Variants in CWC22 observed in about 807,000 individuals in gnomAD.
CWC22 encodes the protein CWC22 spliceosome associated protein.
In CWC22, 53 loss-of-function variants were observed where a neutral mutation model predicts 117.2. The ratio of observed to expected loss-of-function variants is 0.45; its 90% confidence interval spans 0.36 to 0.57. CWC22 has a LOEUF of 0.57. Among genes scored for constraint, CWC22 ranks in the 20% least tolerant of loss-of-function variants. The probability of loss-of-function intolerance (pLI) is 0.00; values close to 1 mark genes in which losing one functional copy is unlikely to be tolerated. For missense variants in CWC22, 980 were observed against 1,068.8 expected (o/e 0.92, Z 1.16); for synonymous variants, 360 against 355.6 (o/e 1.01, Z -0.14).
At chr2:179,953,688 A>G (rs1441331000) in intron 16 of CWC22, among the ~76,000 whole-genome samples, 1 of 152,116 alleles carries the variant, frequency 6.6e-6, no homozygotes, top group Non-Finnish European at 1.5e-5. Context: ...TATCAAGAAT[A>G]TATCTTTCTT....
intron 14 of CWC22, among the ~76,000 whole-genome samples, chr2:179,956,259 T>A (rs1686588405): frequency 6.6e-6 from 1 of 151,868 alleles, no homozygotes; most frequent in Non-Finnish European, 1.5e-5. Flanking sequence ...GAACAGATAC[T>A]CTAGAATTAT....
intron 2 of CWC22, among the ~76,000 whole-genome samples, chr2:179,991,369 TGA>T (rs1285276334): frequency 6.6e-6 from 1 of 152,116 alleles, no homozygotes; most frequent in African/African-American, 2.4e-5. Flanking sequence ...AGGGAAGAGC[TGA>T]GTTTCACCTA....
At chr2:180,001,847 T>C (rs1159256223) in intron 1 of CWC22, among the ~76,000 whole-genome samples, 1 of 152,240 alleles carries the variant, frequency 6.6e-6, no homozygotes, top group African/African-American at 2.4e-5. Flanking sequence ...CCTTCATTTG[T>C]CCATCCCTTT....
intron 4 of CWC22, among the ~76,000 whole-genome samples, chr2:179,985,762 T>C (rs563761452): frequency 6.6e-6 from 1 of 152,214 alleles, no homozygotes; most frequent in African/African-American, 2.4e-5. Context: ...AATCTTTTAC[T>C]ATGCCTAATT....
At chr2:179,953,905 G>A (rs759688254) in intron 16 of CWC22, among the ~76,000 whole-genome samples, 2 of 152,084 alleles carry the variant, frequency 1.3e-5, no homozygotes, top group Non-Finnish European at 2.9e-5. Context: ...GTGCATGCAC[G>A]TGTGTGTACA....
intron 11 of CWC22, among the ~76,000 whole-genome samples, chr2:179,967,366 A>G (rs1686918091): frequency 6.6e-6 from 1 of 152,234 alleles, no homozygotes; most frequent in Admixed American, 6.5e-5. Context: ...ATTGGATTTC[A>G]TTAACTGAAT....
At chr2:179,948,912 C>G (rs1043240026) in intron 19 of CWC22, among the ~76,000 whole-genome samples, 1 of 152,146 alleles carries the variant, frequency 6.6e-6, no homozygotes, top group African/African-American at 2.4e-5. Context: ...TGCTAATTTC[C>G]TAGTTTGATA....
intron 12 of CWC22, among the ~76,000 whole-genome samples, chr2:179,965,344 A>T (rs1206210014): frequency 2.0e-5 from 3 of 152,210 alleles, no homozygotes; most frequent in Non-Finnish European, 4.4e-5. Flanking sequence ...GTATTTATTA[A>T]CTGTGCCTTA....
rs752576495 is a variant in CWC22, at chr2:179,950,603, G to A, written c.2049C>T (p.Ser683=). 13 of 1,612,794 alleles carry A rather than the reference G, an allele frequency of 8.1e-6. No homozygotes were observed. The highest frequency in any genetic ancestry group is 5.3e-5 in the African/African-American group (4 of 74,864). The change falls in exon 19 of 20, where the codon TCC becomes TCT. Residue 683 remains serine (S), a synonymous_variant. Transcript: ENST00000410053. ...TATCACTGCTGTCAGAATCAGAGTCGGATGAGTCAGACTCTGAAGAGGAGG... is the reference window on the plus strand; with the variant it reads ...TATCACTGCTGTCAGAATCAGAGTCAGATGAGTCAGACTCTGAAGAGGAGG... ...SASSSSESDS[S]DSDSDSSDSS...
At chr2:179,989,627 T>C (rs1170141934) in intron 2 of CWC22, among the ~76,000 whole-genome samples, 1 of 152,140 alleles carries the variant, frequency 6.6e-6, no homozygotes, top group Non-Finnish European at 1.5e-5. Context: ...AATAAGTAAC[T>C]TCATGTAACA....
At chr2:179,980,485 T>G (rs1249218575) in intron 5 of CWC22, among the ~76,000 whole-genome samples, 1 of 150,542 alleles carries the variant, frequency 6.6e-6, no homozygotes, top group Non-Finnish European at 1.5e-5. Flanking sequence ...TGGTGCGATC[T>G]CGGCTCACTG....
At chr2:179,981,279 GAGTTAAGT>G (rs1259955757) in intron 5 of CWC22, among the ~76,000 whole-genome samples, 32 of 152,118 alleles carry the variant, frequency 2.1e-4, no homozygotes, top group Non-Finnish European at 1.5e-5. Flanking sequence ...TTCAAGAGCG[GAGTTAAGT>G]AGCAACAACA....
At chr2:179,946,401 A>G (rs1686299857) in intron 19 of CWC22, among the ~76,000 whole-genome samples, 1 of 139,470 alleles carries the variant, frequency 7.2e-6, no homozygotes, top group Non-Finnish European at 1.5e-5. Flanking sequence ...CAGTACGCCA[A>G]GAATGCACCG....
chr2:180,000,396 A>C (rs1687816693), intron 1 of CWC22, among the ~76,000 whole-genome samples: 1 of 152,170 alleles, frequency 6.6e-6, no homozygotes, highest in Admixed American at 6.5e-5. Flanking sequence ...GCATATACTG[A>C]CTTGATACTT....
At chr2:179,952,801 G>A (rs182897823) in intron 16 of CWC22, among the ~76,000 whole-genome samples, 1 of 152,076 alleles carries the variant, frequency 6.6e-6, no homozygotes, top group Non-Finnish European at 1.5e-5. Context: ...GTTAAGATGC[G>A]ACAGAAATAG....
chr2:179,995,865 A>G (rs1011431603), intron 1 of CWC22, among the ~76,000 whole-genome samples: 1 of 152,224 alleles, frequency 6.6e-6, no homozygotes, highest in African/African-American at 2.4e-5. Context: ...TCTCATTTGA[A>G]GAACAAGAGG....
At chr2:179,981,308 G>C (rs1476367502) in intron 5 of CWC22, among the ~76,000 whole-genome samples, 2 of 152,104 alleles carry the variant, frequency 1.3e-5, no homozygotes, top group African/African-American at 4.8e-5. Flanking sequence ...GAGACAAAAT[G>C]ACTCACAGTG....
intron 14 of CWC22, 102 bp downstream of exon 14, chr2:179,958,920 G>T (rs755807074): frequency 1.6e-6 from 1 of 635,486 alleles, no homozygotes; most frequent in Non-Finnish European, 2.8e-6. Context: ...TAAATATTTA[G>T]TACTGAGGTA....
At chr2:179,958,353 AT>A (rs1686653600) in intron 14 of CWC22, among the ~76,000 whole-genome samples, 2 of 149,324 alleles carry the variant, frequency 1.3e-5, no homozygotes, top group Non-Finnish European at 3.0e-5. Flanking sequence ...AAAAAAAAGA[AT>A]GAAGAAAATT....
Sources: gnomAD v4.1 joint callset for allele counts (sites outside exome capture counted in the v4.1 genomes callset) on GRCh38, gnomAD v4.1.1 for gene constraint, MANE v1.5 for transcripts, NCBI Gene and HGNC (gene_info 2026-07-23, HGNC 2026-07-21) for gene names.